Variants in C16orf89 observed in about 807,000 individuals in gnomAD.
C16orf89 encodes the protein UPF0764 protein C16orf89.
A neutral mutation model predicts 41.5 loss-of-function variants in C16orf89; 57 were observed. That is an observed-to-expected ratio of 1.38 (90% CI 1.11 to 1.71). The LOEUF (loss-of-function observed/expected upper bound fraction) is 1.71. Among genes scored for constraint, C16orf89 ranks in the 40% most tolerant of loss-of-function variants. The pLI is 0.00. For synonymous variants in C16orf89, 223 were observed against 190.6 expected, an observed-to-expected ratio of 1.17 and a Z score of -1.40; for missense variants, 575 against 445.9, an observed-to-expected ratio of 1.29 and a Z score of -2.61.
At chr16:5,051,029 G>A (rs1339024210) in intron 6 of C16orf89, among the ~76,000 whole-genome samples, 1 of 152,092 alleles carries the variant, frequency 6.6e-6, no homozygotes, top group Non-Finnish European at 1.5e-5. Context: ...CTCTCAATAC[G>A]TTAGGTATAG....
chr16:5,049,855 G>A (rs1009521001), intron 6 of C16orf89, among the ~76,000 whole-genome samples: 13 of 151,998 alleles, frequency 8.6e-5, no homozygotes, highest in African/African-American at 3.1e-4. Flanking sequence ...GTAAAGATCA[G>A]AGCAGAAATA....
At chr16:5,060,945 CTTTTTTTTTTT>C (rs386384101) in intron 2 of C16orf89, among the ~76,000 whole-genome samples, 2 of 93,502 alleles carry the variant, frequency 2.1e-5, no homozygotes, top group African/African-American at 4.4e-5. Context: ...TATGATCAGC[CTTTTTTTTTTT>C]TTTTTTTTTT....
At chr16:5,062,293 G>T in intron 2 of C16orf89, 132 bp downstream of exon 2, 1 of 1,169,972 alleles carries the variant, frequency 8.5e-7, no homozygotes, top group African/African-American at 1.6e-5. Flanking sequence ...GGCTTGCTCA[G>T]CAGACAGGTC....
Position 5,055,349 on chromosome 16 carries a change from G to T in C16orf89, c.765C>A (p.Ile255=). ...AGAAGCCGCCCATTCCACAGAACAT[G>T]ACTGGAAGTAAAGACGGGGGCCCTC... ...YPTRDIFMEN[I]MFCGMGGFSD... Residue 255 remains isoleucine, a splice_region_variant and synonymous_variant, in exon 6 of 8, where the codon ATC becomes ATA. Coordinates refer to ENST00000472572, the MANE Select transcript of C16orf89 (RefSeq NM_001098514.3). The T allele has an allele frequency of 6.2e-7, 1 of 1,607,550 alleles. No homozygotes were observed. The highest frequency in any genetic ancestry group is 1.1e-5 in the South Asian group (1 of 90,196).
intron 6 of C16orf89, among the ~76,000 whole-genome samples, chr16:5,053,954 A>G (rs1596691828): frequency 6.6e-6 from 1 of 152,236 alleles, no homozygotes; most frequent in Non-Finnish European, 1.5e-5. Context: ...TGGAAATATC[A>G]CACTGTACCC....
chr16:5,045,372 C>T (rs1387860179), intron 7 of C16orf89, among the ~76,000 whole-genome samples: 2 of 152,204 alleles, frequency 1.3e-5, no homozygotes, highest in South Asian at 2.1e-4. Context: ...GTCAGAGTCT[C>T]AGGCCTGAGC....
intron 2 of C16orf89, among the ~76,000 whole-genome samples, chr16:5,062,065 C>A (rs1422810914): frequency 6.6e-6 from 1 of 152,238 alleles, no homozygotes; most frequent in Non-Finnish European, 1.5e-5. Context: ...TGGGACACTA[C>A]TGTTTGCTGT....
At chr16:5,059,795 G>C (rs1956578818) in intron 3 of C16orf89, among the ~76,000 whole-genome samples, 1 of 152,128 alleles carries the variant, frequency 6.6e-6, no homozygotes, top group Non-Finnish European at 1.5e-5. Context: ...GAGGTGCCAG[G>C]AGAGGCCCTC....
Position 5,044,437 on chromosome 16 carries a change from G to A in C16orf89, c.997C>T (p.Leu333=), listed in dbSNP as rs746143766. 8.7e-6 allele frequency: 14 copies of A among 1,613,004 alleles called. No homozygotes were observed. Among genetic ancestry groups the A allele is most frequent in the Non-Finnish European group, 8.5e-7 (1 of 1,179,636 alleles). The part of the protein sequence containing the change: ...SHNTATAVAA[L]GGFLYILAEY... Reference sequence around the variant, plus strand: ...GCCAGGATGTATAGGAAGCCACCCAGGGCTGCCACTGCTGTGGCTGTGTTG... The same window carrying A: ...GCCAGGATGTATAGGAAGCCACCCAAGGCTGCCACTGCTGTGGCTGTGTTG... The change falls in exon 8 of 8, where the codon CTG becomes TTG. Residue 333 remains leucine (L), a synonymous_variant. Transcript: ENST00000472572.
downstream of C16orf89, chr16:5,043,534 G>A (rs1359707852): frequency 2.6e-5 from 4 of 152,200 alleles, no homozygotes; most frequent in African/African-American, 9.7e-5. Context: ...GCCATGTGAT[G>A]CAATGTAATG....
chr16:5,055,520 C>G, intron 5 of C16orf89, 170 bp from the exon 6 acceptor site: 1 of 962,660 alleles, frequency 1.0e-6, no homozygotes, highest in South Asian at 1.7e-5. Context: ...GCCTGACCAA[C>G]TAGGGGCTCC....
chr16:5,046,836 A>G (rs1399062653), intron 7 of C16orf89, among the ~76,000 whole-genome samples: 3 of 151,828 alleles, frequency 2.0e-5, no homozygotes, highest in African/African-American at 7.3e-5. Context: ...ACATTGGCCA[A>G]CTGACCATAC....
chr16:5,055,833 A>G (rs1474246856), intron 5 of C16orf89: 3 of 1,360,504 alleles, frequency 2.2e-6, no homozygotes, highest in African/African-American at 1.4e-5. Flanking sequence ...AGTATATCCC[A>G]TGAAATAGTT....
intron 2 of C16orf89, 104 bp downstream of exon 2, chr16:5,062,321 G>C: frequency 7.2e-7 from 1 of 1,385,776 alleles, no homozygotes; most frequent in South Asian, 1.4e-5. Flanking sequence ...GTTACGGACT[G>C]TCCCAGCCCA....
In C16orf89 at chr16:5,058,517, C is replaced by T. The variant is rs748533127; in HGVS notation, c.603G>A (p.Leu201=). 5.6e-6 allele frequency: 9 copies of T among 1,610,798 alleles called. No individual in the cohort carries two copies. The highest frequency in any genetic ancestry group is 1.3e-5 in the African/African-American group (1 of 74,848). ...CCATTCTGGCCCAGAGGAAGAAGAG[C>T]AGTTGGTGGGACAGGCAGTAGCCTG... ...GCSGYCLSHQ[L]LFFLWARMRG... Residue 201 remains leucine (L), a synonymous_variant, in exon 4 of 8, where the codon CTG becomes CTA. Transcript: ENST00000472572.
intron 1 of C16orf89, among the ~76,000 whole-genome samples, chr16:5,063,498 G>A (rs897452854): frequency 1.6e-4 from 24 of 152,278 alleles, no homozygotes; most frequent in African/African-American, 5.5e-4. Context: ...GAATGGGGCC[G>A]CACAGCAGGA....
In C16orf89 at chr16:5,056,144, G is replaced by A. The variant is rs780995753; in HGVS notation, c.672C>T (p.Ile224=). The A allele has an allele frequency of 8.8e-6, 14 of 1,597,636 alleles. No individual in the cohort carries two copies. The South Asian group carries it at 1.4e-4, about 16-fold the overall frequency. The stretch of plus-strand genomic sequence containing the variant: ...CCATCATGTTGGCGCAGAAGAGGTT[G>A]ATATAGTCCTGGCTCTGTTGGAGTG... ...QGPLQQSQDY[I]NLFCANMMDL... The change falls in exon 5 of 8, where the codon ATC becomes ATT. Residue 224 remains isoleucine (I), a synonymous_variant. Transcript: ENST00000472572.
At chr16:5,065,438 C>A (rs1046677291) in intron 1 of C16orf89, among the ~76,000 whole-genome samples, 6 of 152,208 alleles carry the variant, frequency 3.9e-5, no homozygotes, top group Admixed American at 1.3e-4. Flanking sequence ...TCAAATGGAT[C>A]ATTTCATTCT....
At position 5,058,502 on chromosome 16, in the gene C16orf89, C is replaced by A. The variant is rs1956554106; in HGVS notation, c.618G>T (p.Trp206Cys). The A allele has an allele frequency of 8.7e-6, 14 of 1,607,192 alleles. No individual in the cohort carries two copies. Among genetic ancestry groups the A allele is most frequent in the African/African-American group, 1.3e-5 (1 of 74,768 alleles). ...CTCCCTGGGCACTCACCATTCTGGC[C>A]CAGAGGAAGAAGAGCAGTTGGTGGG... Reference protein sequence around the residue: ...CLSHQLLFFLWARMRGCTQGP... With the variant: ...CLSHQLLFFLCARMRGCTQGP... Residue 206 changes from tryptophan (W) to cysteine (C), a missense_variant, in exon 4 of 8, where the codon TGG becomes TGT. Physicochemically the swap from Trp to Cys is radical, Grantham distance 215 (BLOSUM62 -2). Transcript: ENST00000472572.
Sources: gnomAD v4.1 joint callset for allele counts (sites outside exome capture counted in the v4.1 genomes callset) on GRCh38, gnomAD v4.1.1 for gene constraint, MANE v1.5 for transcripts, NCBI Gene and HGNC (gene_info 2026-07-23, HGNC 2026-07-21) for gene names.